The following ADAM32 variants were observed in gnomAD, a reference collection of about 807,000 sequenced individuals.
The protein encoded by ADAM32 is ADAM metallopeptidase domain 32.
Under a neutral mutation model 114.9 loss-of-function variants are expected in ADAM32, and 89 were observed. The observed-to-expected ratio is 0.77, with a 90% CI of 0.65 to 0.92. ADAM32 has a LOEUF of 0.92. ADAM32 is among the 40% of genes least tolerant of loss of function. The probability of loss-of-function intolerance (pLI) is 0.00; values close to 1 mark genes in which losing one functional copy is unlikely to be tolerated. For synonymous variants in ADAM32, 285 were observed against 307.5 expected, an observed-to-expected ratio of 0.93 and a Z score of 0.77; for missense variants, 870 against 932.8, an observed-to-expected ratio of 0.93 and a Z score of 0.88.
chr8:39,237,893 G>A (rs1376441255), intron 16 of ADAM32, among the ~76,000 whole-genome samples: 1 of 152,186 alleles, frequency 6.6e-6, no homozygotes, highest in African/African-American at 2.4e-5. Context: ...GGTGACCTTA[G>A]GGCAAGCTTG....
At chr8:39,199,533 AG>A (rs914512218) in intron 11 of ADAM32, among the ~76,000 whole-genome samples, 5 of 152,014 alleles carry the variant, frequency 3.3e-5, no homozygotes, top group African/African-American at 1.2e-4. Context: ...ATCACTTTCA[AG>A]GTTTCTGTTT....
intron 11 of ADAM32, among the ~76,000 whole-genome samples, chr8:39,204,268 C>A (rs915843203): frequency 1.3e-5 from 2 of 152,228 alleles, no homozygotes; most frequent in African/African-American, 4.8e-5. Flanking sequence ...TTCAGGTACA[C>A]CAATCAGACG....
chr8:39,214,340 C>T (rs1000710651), intron 12 of ADAM32, among the ~76,000 whole-genome samples: 3 of 152,144 alleles, frequency 2.0e-5, no homozygotes, highest in Non-Finnish European at 4.4e-5. Context: ...CATATCTTCA[C>T]TAGCATTTGT....
At chr8:39,127,247 C>A (rs897954574) in intron 2 of ADAM32, among the ~76,000 whole-genome samples, 2 of 152,034 alleles carry the variant, frequency 1.3e-5, no homozygotes, top group African/African-American at 2.4e-5. Context: ...AGAAATGGTA[C>A]CAGCTTTTCT....
chr8:39,149,722 T>C lies in ADAM32; in HGVS notation c.277-69T>C, dbSNP rs1487902620. On this transcript the variant is annotated intron_variant, in intron 4 of 24. Coordinates refer to ENST00000379907, the MANE Select transcript of ADAM32 (RefSeq NM_145004.7). ...AATATTCAGAAGGTTCTATCAAGTA[T>C]AGAAGTAGGAAATCACTAGAAAGTT... 5.5e-6 allele frequency: 6 copies of C among 1,099,770 alleles called. No individual in the cohort carries two copies. In the Admixed American group the frequency reaches 7.7e-5, roughly 14 times the overall value. The allele number at this position is 1,099,770 out of a possible 1,614,324, so 68.1% of individuals were successfully genotyped here.
At chr8:39,135,378 C>A (rs1025771223) in intron 2 of ADAM32, among the ~76,000 whole-genome samples, 1 of 151,912 alleles carries the variant, frequency 6.6e-6, no homozygotes, top group Non-Finnish European at 1.5e-5. Flanking sequence ...TCTGGTTTTT[C>A]TTTTTTAAAA....
intron 11 of ADAM32, among the ~76,000 whole-genome samples, chr8:39,193,993 C>T (rs545712360): frequency 5.4e-4 from 82 of 152,230 alleles, no homozygotes; most frequent in African/African-American, 1.7e-3. Flanking sequence ...ACAGCAGTGG[C>T]GGTGGCGGCA....
chr8:39,147,000 T>C (rs1803543482), intron 3 of ADAM32, 130 bp from the exon 4 acceptor site: 2 of 328,966 alleles, frequency 6.1e-6, no homozygotes, highest in Non-Finnish European at 1.0e-5. Context: ...TGGGTATGGC[T>C]GTGTTTCAAT....
At chr8:39,276,679 G>T (rs1199106159) in intron 22 of ADAM32, among the ~76,000 whole-genome samples, 2 of 152,140 alleles carry the variant, frequency 1.3e-5, no homozygotes, top group Non-Finnish European at 2.9e-5. Flanking sequence ...AAGAATGCCT[G>T]CGTTGCTCAT....
intron 11 of ADAM32, among the ~76,000 whole-genome samples, chr8:39,201,921 G>A (rs866193054): frequency 2.1e-4 from 32 of 152,154 alleles, no homozygotes; most frequent in African/African-American, 7.5e-4. Flanking sequence ...TTTATATGCT[G>A]GATTACATTT....
rs575410856 is a variant in ADAM32, at chr8:39,221,709, T to G, written c.1326+7T>G. 1.2e-5 allele frequency: 19 copies of G among 1,598,398 alleles called. 1 individual carries two copies. Among genetic ancestry groups the G allele is most frequent in the East Asian group, 2.2e-5 (1 of 44,612 alleles). Reference sequence around the variant, plus strand: ...GTGCTGCAAAGACTGTCAAGTAAGATTTAAGCTTATGAACATCTTTCAAAT... The same window carrying G: ...GTGCTGCAAAGACTGTCAAGTAAGAGTTAAGCTTATGAACATCTTTCAAAT... On this transcript the variant is annotated splice_region_variant and intron_variant, in intron 13 of 24. Coordinates refer to ENST00000379907, the MANE Select transcript of ADAM32 (RefSeq NM_145004.7).
intron 10 of ADAM32, among the ~76,000 whole-genome samples, chr8:39,186,352 G>A (rs1585487578): frequency 6.6e-6 from 1 of 152,178 alleles, no homozygotes; most frequent in African/African-American, 2.4e-5. Context: ...TCGCAAGGAG[G>A]TTATCTGTGT....
intron 11 of ADAM32, among the ~76,000 whole-genome samples, chr8:39,193,371 T>A (rs1365531418): frequency 2.6e-5 from 4 of 152,224 alleles, no homozygotes; most frequent in African/African-American, 9.6e-5. Flanking sequence ...TTCTTTTCTA[T>A]CCTGACTATT....
At chr8:39,206,537 C>T (rs892480305) in intron 11 of ADAM32, among the ~76,000 whole-genome samples, 3 of 152,216 alleles carry the variant, frequency 2.0e-5, no homozygotes, top group African/African-American at 7.2e-5. Flanking sequence ...TGCAGGTACA[C>T]AGTGACCTTG....
intron 16 of ADAM32, among the ~76,000 whole-genome samples, chr8:39,237,047 G>T (rs75433223): frequency 6.6e-6 from 1 of 152,186 alleles, no homozygotes; most frequent in South Asian, 2.1e-4. Flanking sequence ...ATATGTGAGT[G>T]GGGGAAAGTC....
In ADAM32 at chr8:39,189,781, G is replaced by A. The variant is rs538781024; in HGVS notation, c.1052+2736G>A. Among the ~76,000 whole-genome samples the A allele has an allele frequency of 7.9e-5, 12 of 152,160 alleles. No homozygotes were observed. The East Asian group carries it at 1.4e-3, about 17-fold the overall frequency. ...CCCCTACCCACTCTTCCCAGTCTCT[G>A]GAAAGCATTATTCTACTCTATATCT... is the stretch of plus-strand genomic sequence containing the variant. On this transcript the variant is annotated intron_variant, in intron 11 of 24. Transcript: ENST00000379907.
At chr8:39,234,104 T>TA in intron 16 of ADAM32, 22 bp downstream of exon 16, 1 of 1,288,030 alleles carries the variant, frequency 7.8e-7, no homozygotes. Flanking sequence ...AAAATCTATT[T>TA]AAAAAATATA....
At chr8:39,148,045 C>G (rs549029746) in intron 4 of ADAM32, among the ~76,000 whole-genome samples, 1 of 152,204 alleles carries the variant, frequency 6.6e-6, no homozygotes, top group East Asian at 1.9e-4. Context: ...TCCCACAGTG[C>G]TAGGATTACA....
chr8:39,219,062 T>C (rs1306379678), intron 12 of ADAM32, among the ~76,000 whole-genome samples: 1 of 152,000 alleles, frequency 6.6e-6, no homozygotes, highest in Non-Finnish European at 1.5e-5. Context: ...ATCTAGGAAC[T>C]AGGACCTGGA....
Sources: gnomAD v4.1 joint callset for allele counts (sites outside exome capture counted in the v4.1 genomes callset) on GRCh38, gnomAD v4.1.1 for gene constraint, MANE v1.5 for transcripts, NCBI Gene and HGNC (gene_info 2026-07-23, HGNC 2026-07-21) for gene names.